Variants in COL5A3 observed in about 807,000 individuals in gnomAD.
The protein encoded by COL5A3 is collagen type V alpha 3 chain, also known as collagen alpha-3(V) chain.
A neutral mutation model predicts 250.0 loss-of-function variants in COL5A3; 172 were observed. The ratio of observed to expected loss-of-function variants is 0.69; its 90% CI spans 0.61 to 0.78. COL5A3 has a LOEUF of 0.78. Among genes scored for constraint, COL5A3 ranks in the 30% least tolerant of loss-of-function variants. COL5A3 has a pLI of 0.00. For missense variants in COL5A3, 2,340 were observed against 2,334.4 expected (o/e 1.00, Z -0.05); for synonymous variants, 937 against 900.4 (o/e 1.04, Z -0.73).
chr19:9,963,577 T>TGG (rs2086701242), intron 64 of COL5A3, among the ~76,000 whole-genome samples: 1 of 28,076 alleles, frequency 3.6e-5, no homozygotes, highest in African/African-American at 1.6e-4. Context: ...GGGGGGCGGG[T>TGG]GGAGGGGGTC....
At chr19:10,003,777 C>G in intron 5 of COL5A3, 63 bp from the exon 6 acceptor site, 1 of 1,598,152 alleles carries the variant, frequency 6.3e-7, no homozygotes, top group South Asian at 1.1e-5. Flanking sequence ...TCATTCAGGT[C>G]ACCTGGGGTG....
chr19:9,992,166 T>A, intron 21 of COL5A3, 118 bp from the exon 22 acceptor site: 1 of 843,356 alleles, frequency 1.2e-6, no homozygotes, highest in Non-Finnish European at 1.9e-6. Context: ...CTCATGCTTG[T>A]AATCCCAGCA....
chr19:9,962,945 A>T, intron 64 of COL5A3, 58 bp from the exon 65 acceptor site: 1 of 1,235,024 alleles, frequency 8.1e-7, no homozygotes, highest in Non-Finnish European at 1.2e-6. Context: ...TCTAGATCTC[A>T]TCTGCATTTC....
chr19:9,997,021 A>AC, intron 11 of COL5A3: 1 of 522,498 alleles, frequency 1.9e-6, no homozygotes, highest in Non-Finnish European at 3.4e-6. Flanking sequence ...GAGATGGAGA[A>AC]ATAGAGAGAG....
chr19:9,976,422 T>C lies in COL5A3; in HGVS notation c.3342+136A>G, dbSNP rs1245983926. On this transcript the variant is annotated intron_variant, in intron 45 of 66. Coordinates refer to ENST00000264828, the MANE Select transcript of COL5A3 (RefSeq NM_015719.4). ...CTCCGATTCTTGGATTGAGTTCACA[T>C]TGGGTGTCAGTACTGAGGGAAGATC... 11 of 614,306 alleles carry C rather than the reference T, an allele frequency of 1.8e-5. No homozygotes were observed. In the East Asian group the frequency reaches 3.3e-4, roughly 18 times the overall value. The allele number at this position is 614,306 out of a possible 1,614,324, so 38.1% of individuals were successfully genotyped here. A position where few individuals can be genotyped will look rare whatever the true frequency, so the allele number is the denominator to read the frequency against.
chr19:9,969,603 T>A lies in COL5A3; in HGVS notation c.4070A>T (p.Glu1357Val). Reference sequence around the variant, plus strand: ...AGGGCCAGGGATCCCTCGAAGACCCTCAGGCCCCACACGTCCAGGGGGCCC... The same window carrying A: ...AGGGCCAGGGATCCCTCGAAGACCCACAGGCCCCACACGTCCAGGGGGCCC... ...ARGPPGRVGP[E>V]GLRGIPGPVG... The change falls in exon 56 of 67, where the codon GAG (glutamate) becomes GTG (valine). Residue 1357 changes from glutamate to valine, a missense_variant. Glu to Val is a moderately radical substitution (Grantham distance 121). This residue lies in a region of COL5A3 where 1,179 missense variants were observed against 1,162.6 expected (regional missense o/e 1.01). Transcript: ENST00000264828. The A allele has an allele frequency of 1.9e-6, 3 of 1,607,848 alleles. No individual in the cohort carries two copies. Among genetic ancestry groups the A allele is most frequent in the Non-Finnish European group, 2.5e-6 (3 of 1,178,272 alleles).
intron 8 of COL5A3, 100 bp from the exon 9 acceptor site, chr19:9,998,249 C>T (rs111440205): frequency 2.6e-5 from 31 of 1,172,904 alleles, no homozygotes; most frequent in Non-Finnish European, 3.4e-5. Flanking sequence ...CACACACACA[C>T]ACACACACGG....
At chr19:10,004,577 C>T (rs918427345) in intron 4 of COL5A3, among the ~76,000 whole-genome samples, 7 of 152,186 alleles carry the variant, frequency 4.6e-5, no homozygotes, top group Non-Finnish European at 7.3e-5. Flanking sequence ...GTGATCCACC[C>T]GCCTTGGCCT....
Position 9,980,803 on chromosome 19 carries a change from T to C in COL5A3, c.2559+3A>G. 1.9e-6 allele frequency: 3 copies of C among 1,612,934 alleles called. No homozygotes were observed. The East Asian group carries it at 6.7e-5, about 36-fold the overall frequency. The stretch of plus-strand genomic sequence containing the variant: ...GGGCCTTGATTGCCCACCCATCCCA[T>C]ACCTTGGGGCCTGGTTGCCCTGTGG... On this transcript the variant is annotated splice_donor_region_variant and intron_variant, in intron 34 of 66. Coordinates refer to ENST00000264828, the MANE Select transcript of COL5A3 (RefSeq NM_015719.4).
At chr19:9,988,505 C>T (rs1484581530) in intron 27 of COL5A3, among the ~76,000 whole-genome samples, 1 of 152,094 alleles carries the variant, frequency 6.6e-6, no homozygotes, top group African/African-American at 2.4e-5. Flanking sequence ...ACCCAGCATA[C>T]TGTGCTTATG....
chr19:9,993,600 A>T lies in COL5A3; in HGVS notation c.1695+19T>A, dbSNP rs1464024041. The T allele has an allele frequency of 6.2e-7, 1 of 1,613,102 alleles. No homozygotes were observed. Among genetic ancestry groups the T allele is most frequent in the Admixed American group, 1.7e-5 (1 of 59,960 alleles). On this transcript the variant is annotated intron_variant, in intron 18 of 66. Coordinates refer to ENST00000264828, the MANE Select transcript of COL5A3 (RefSeq NM_015719.4). ...TGGGAGGAGGGCTTAGACTTGGGGG[A>T]GGGACCTCACACACTCACCCTTTGG...
chr19:9,996,345 A>T, intron 13 of COL5A3, 83 bp from the exon 14 acceptor site: 1 of 1,551,426 alleles, frequency 6.4e-7, no homozygotes, highest in Non-Finnish European at 8.7e-7. Flanking sequence ...GGAGAAAAAT[A>T]ACCCCCTTCT....
At chr19:9,978,072 G>C (rs888741629) in intron 41 of COL5A3, among the ~76,000 whole-genome samples, 5 of 151,292 alleles carry the variant, frequency 3.3e-5, no homozygotes, top group Non-Finnish European at 7.4e-5. Flanking sequence ...CTCCCAAAGA[G>C]CTGGGATTAT....
intron 16 of COL5A3, 91 bp from the exon 17 acceptor site, chr19:9,993,897 AT>A (rs917923669): frequency 3.7e-3 from 4,158 of 1,122,626 alleles, no homozygotes; most frequent in Non-Finnish European, 4.3e-3. Flanking sequence ...CAACATCAAG[AT>A]TTTTTTTTTG....
chr19:9,982,164 T>A, intron 31 of COL5A3, 46 bp from the exon 32 acceptor site: 1 of 1,401,328 alleles, frequency 7.1e-7, no homozygotes, highest in Non-Finnish European at 9.8e-7. Context: ...GAGGAGTGAG[T>A]GGTGGGTGGA....
rs1362534182 is a variant in COL5A3 at position 10,009,335 on chromosome 19, T to G, written c.88+963A>C. Among the ~76,000 whole-genome samples, 9 of 151,910 alleles carry G rather than the reference T, an allele frequency of 5.9e-5. No homozygotes were observed. The highest frequency in any genetic ancestry group is 1.7e-4 in the African/African-American group (7 of 41,380). ...CCCTGACTCCCGAAGCGCCCCCCAC[T>G]CTGAACCCTGAGGGGCGGGACAGGG... On this transcript the variant is annotated intron_variant, in intron 1 of 66. Coordinates refer to ENST00000264828, the MANE Select transcript of COL5A3 (RefSeq NM_015719.4). The surrounding 1 kb of genome is among the most constrained non-coding windows in gnomAD (Gnocchi z 4.4).
chr19:9,967,100 G>C (rs1382425128), intron 62 of COL5A3, among the ~76,000 whole-genome samples: 1 of 152,134 alleles, frequency 6.6e-6, no homozygotes, highest in Non-Finnish European at 1.5e-5. Flanking sequence ...CAGGGAGGGA[G>C]AGATGGGGTC....
Position 9,969,409 on chromosome 19 carries a change from AT to A in COL5A3, c.4099-8del, listed in dbSNP as rs1203368081. ...CCAGGAGGCCTGGTTCACCCTGAGA[AT>A]GGAACAGAACATGGGGTGGGCTGCA... On this transcript the variant is annotated splice_polypyrimidine_tract_variant and splice_region_variant and intron_variant, in intron 56 of 66. Coordinates refer to ENST00000264828, the MANE Select transcript of COL5A3 (RefSeq NM_015719.4). 10 of 1,607,254 alleles carry A rather than the reference AT, an allele frequency of 6.2e-6. No individual in the cohort carries two copies. The highest frequency in any genetic ancestry group is 8.5e-6 in the Non-Finnish European group (10 of 1,177,582).
Position 9,966,734 on chromosome 19 carries a change from C to T in COL5A3, c.4471G>A (p.Glu1491Lys), listed in dbSNP as rs757156012. The change falls in exon 63 of 67, where the codon GAG becomes AAG. Residue 1491 changes from glutamate to lysine, a missense_variant. Physicochemically the swap from Glu to Lys is moderately conservative, Grantham distance 56. This residue lies in a region of COL5A3 where 1,179 missense variants were observed against 1,162.6 expected (regional missense o/e 1.01). Coordinates refer to ENST00000264828, the MANE Select transcript of COL5A3 (RefSeq NM_015719.4). ...GPPGPPGAPAELHGLRRRRRF... is the reference protein window; with the variant it reads ...GPPGPPGAPAKLHGLRRRRRF... Reference sequence around the variant, plus strand: ...CGGCGCCTGCGCAGCCCATGCAGCTCGGCAGGGGCACCCTGGGCGTAGGGG... The same window carrying T: ...CGGCGCCTGCGCAGCCCATGCAGCTTGGCAGGGGCACCCTGGGCGTAGGGG... The T allele has an allele frequency of 3.9e-6, 6 of 1,534,972 alleles. No homozygotes were observed. The highest frequency in any genetic ancestry group is 2.4e-5 in the East Asian group (1 of 40,928).
Sources: gnomAD v4.1 joint callset for allele counts (sites outside exome capture counted in the v4.1 genomes callset) on GRCh38, gnomAD v4.1.1 for gene constraint, gnomAD v4.1.1 regional missense constraint, Gnocchi (gnomAD v3.1) non-coding constraint, MANE v1.5 for transcripts, NCBI Gene and HGNC (gene_info 2026-07-23, HGNC 2026-07-21) for gene names.